Variants in DNAJB1 observed in about 807,000 individuals in gnomAD.
DNAJB1 encodes the protein dnaJ homolog subfamily B member 1.
In DNAJB1, 14 loss-of-function variants were observed where a neutral mutation model predicts 24.0. That is an observed-to-expected ratio of 0.58 (90% confidence interval 0.39 to 0.91). The LOEUF (loss-of-function observed/expected upper bound fraction) is 0.91, where lower values mean the gene tolerates loss of function less well. DNAJB1 is among the 40% of genes least tolerant of loss of function. The probability of loss-of-function intolerance (pLI) is 0.00; values close to 1 mark genes in which losing one functional copy is unlikely to be tolerated. For missense variants in DNAJB1, 517 were observed against 458.1 expected, an observed-to-expected ratio of 1.13 and a Z score of -1.17; for synonymous variants, 262 against 174.4, an observed-to-expected ratio of 1.50 and a Z score of -3.96.
At chr19:14,517,254 G>GTTT (rs1352940520) in intron 1 of DNAJB1, 1 of 571,938 alleles carries the variant, frequency 1.7e-6, no homozygotes, top group Non-Finnish European at 3.1e-6. Context: ...GCCTGACAGT[G>GTTT]GAAAAGGACT....
At chr19:14,529,644 C>G (rs772597119), upstream of DNAJB1, 1 of 1,613,554 alleles carries the variant, frequency 6.2e-7, no homozygotes, top group Non-Finnish European at 8.5e-7. Flanking sequence ...TGTGCTGTGC[C>G]GCGCAGTTAG....
intron 1 of DNAJB1, among the ~76,000 whole-genome samples, chr19:14,541,625 C>G (rs1337962174): frequency 6.6e-6 from 1 of 152,146 alleles, no homozygotes; most frequent in African/African-American, 2.4e-5. Context: ...AGGTCGAGGT[C>G]TTTGGGGCCA....
upstream of DNAJB1, chr19:14,531,259 A>G (rs1268611432): frequency 6.6e-6 from 1 of 150,666 alleles, no homozygotes; most frequent in African/African-American, 2.4e-5. Context: ...CTGGCCTCAA[A>G]CTCTTGACCT....
rs548676387 is a variant in DNAJB1, at chr19:14,518,055, G to A, written c.211+84C>T. 5.3e-6 allele frequency: 7 copies of A among 1,325,516 alleles called. No homozygotes were observed. In the Admixed American group the frequency reaches 1.6e-4, roughly 30 times the overall value. 82.1% of individuals were successfully genotyped at this position (1,325,516 alleles called of 1,614,324 possible). A position where few individuals can be genotyped will look rare whatever the true frequency, so the allele number is the denominator to read the frequency against. On this transcript the variant is annotated intron_variant, in intron 1 of 2. Transcript: ENST00000254322. Reference sequence around the variant, plus strand: ...CCCCACGGCCCGGGGCGTCCTTCCCGGGGGGCCGCCGAGAGGGGCCAGCGT... The same window carrying A: ...CCCCACGGCCCGGGGCGTCCTTCCCAGGGGGCCGCCGAGAGGGGCCAGCGT...
rs1437960728 is a variant in DNAJB1 at position 14,515,068 on chromosome 19, A to G, written c.*872T>C. 2.0e-5 allele frequency: 3 copies of G among 152,628 alleles called. No homozygotes were observed. The highest frequency in any genetic ancestry group is 7.2e-5 in the African/African-American group (3 of 41,458). 9.5% of individuals were successfully genotyped at this position (152,628 alleles called of 1,614,324 possible). A position where few individuals can be genotyped will look rare whatever the true frequency, so the allele number is the denominator to read the frequency against. ...ACAGTGCTCCTGTAATCAGAAGCAA[A>G]GACCCTTTTATCAAAAGGGATTGTA... is the stretch of plus-strand genomic sequence containing the variant. On this transcript the variant is annotated 3_prime_UTR_variant, in exon 3 of 3. Coordinates refer to ENST00000254322, the MANE Select transcript of DNAJB1 (RefSeq NM_006145.3).
exon 1 of DNAJB1, among the ~76,000 whole-genome samples, chr19:14,560,149 C>T (rs1369729008): frequency 2.0e-5 from 3 of 152,236 alleles, no homozygotes; most frequent in Non-Finnish European, 4.4e-5. Flanking sequence ...CCGGCGTCCT[C>T]TCCCAGCAGC....
intron 1 of DNAJB1, among the ~76,000 whole-genome samples, chr19:14,535,559 T>G (rs1187776734): frequency 9.6e-5 from 1 of 10,378 alleles, no homozygotes; most frequent in Non-Finnish European, 2.0e-4. Flanking sequence ...TATATATATA[T>G]ATATATATAT....
chr19:14,537,889 G>T (rs998586568), intron 1 of DNAJB1, among the ~76,000 whole-genome samples: 2 of 151,940 alleles, frequency 1.3e-5, no homozygotes, highest in African/African-American at 4.8e-5. Context: ...GGGATTACAG[G>T]TGCCCACCAC....
intron 1 of DNAJB1, among the ~76,000 whole-genome samples, chr19:14,555,659 T>C (rs2073695661): frequency 6.6e-6 from 1 of 152,068 alleles, no homozygotes; most frequent in Non-Finnish European, 1.5e-5. Context: ...CAGGCTGGTC[T>C]CGAACTCCTG....
At chr19:14,530,010 C>T (rs1400938409), upstream of DNAJB1, 3 of 527,682 alleles carry the variant, frequency 5.7e-6, no homozygotes, top group Non-Finnish European at 1.0e-5. Flanking sequence ...GAGTTGCAGA[C>T]TTTGTCATGG....
At chr19:14,516,332 G>C (rs1568379481) in intron 2 of DNAJB1, 134 bp downstream of exon 2, 16 of 1,263,474 alleles carry the variant, frequency 1.3e-5, no homozygotes, top group Non-Finnish European at 1.6e-5. Flanking sequence ...ACAGCGCCCT[G>C]GTCAGTCCTG....
At chr19:14,553,411 C>G (rs2146607770), upstream of DNAJB1, among the ~76,000 whole-genome samples, 1 of 152,196 alleles carries the variant, frequency 6.6e-6, no homozygotes. Flanking sequence ...TCCTCCCCAC[C>G]CTGGGTGACA....
At chr19:14,539,641 C>T (rs1422252595) in intron 1 of DNAJB1, among the ~76,000 whole-genome samples, 1 of 152,118 alleles carries the variant, frequency 6.6e-6, no homozygotes, top group Non-Finnish European at 1.5e-5. Flanking sequence ...ATGCTACTGT[C>T]TTTCACAGAT....
intron 1 of DNAJB1, among the ~76,000 whole-genome samples, chr19:14,536,937 T>C (rs1420877570): frequency 8.4e-6 from 1 of 119,454 alleles, no homozygotes; most frequent in African/African-American, 3.3e-5. Flanking sequence ...TCTGGACCTC[T>C]GGACACGGGG....
At chr19:14,522,663 CAA>C, upstream of DNAJB1, among the ~76,000 whole-genome samples, 1 of 135,526 alleles carries the variant, frequency 7.4e-6, no homozygotes, top group South Asian at 2.3e-4. Context: ...TCTCTGCACA[CAA>C]ACACAGACAC....
At chr19:14,518,411 C>A (rs1219881550), upstream of DNAJB1, 2 of 1,466,386 alleles carry the variant, frequency 1.4e-6, no homozygotes, top group African/African-American at 2.9e-5. Context: ...GCCGACCAGT[C>A]CCGGACTCTA....
chr19:14,534,472 G>A (rs1453874662), upstream of DNAJB1, among the ~76,000 whole-genome samples: 1 of 83,662 alleles, frequency 1.2e-5, no homozygotes, highest in Non-Finnish European at 2.2e-5. Flanking sequence ...GTCTCGCTCT[G>A]TCACCCAGGC....
rs369699868 is a variant in DNAJB1, at chr19:14,516,567, T to C, written c.691A>G (p.Ile231Val). The C allele has an allele frequency of 3.7e-6, 6 of 1,614,062 alleles. No individual in the cohort carries two copies. The highest frequency in any genetic ancestry group is 5.1e-6 in the Non-Finnish European group (6 of 1,180,028). ...AAAACAAAGACGATATCAGCTGGAATGTTGTTGGAGGTCTGGTCTCCTTCC... is the reference window on the plus strand; with the variant it reads ...AAAACAAAGACGATATCAGCTGGAACGTTGTTGGAGGTCTGGTCTCCTTCC... ...PKEGDQTSNN[I>V]PADIVFVLKD... The change falls in exon 2 of 3, where the codon ATT becomes GTT. Residue 231 changes from isoleucine (I) to valine (V), a missense_variant. Physicochemically the swap from Ile to Val is conservative, Grantham distance 29. Coordinates refer to ENST00000254322, the MANE Select transcript of DNAJB1 (RefSeq NM_006145.3).
At chr19:14,554,970 G>A (rs560989653), upstream of DNAJB1, among the ~76,000 whole-genome samples, 1 of 151,636 alleles carries the variant, frequency 6.6e-6, no homozygotes, top group Non-Finnish European at 1.5e-5. Context: ...GTAGAGATGG[G>A]GTTTCACCAT....
Sources: gnomAD v4.1 joint callset for allele counts (sites outside exome capture counted in the v4.1 genomes callset) on GRCh38, gnomAD v4.1.1 for gene constraint, MANE v1.5 for transcripts, NCBI Gene and HGNC (gene_info 2026-07-23, HGNC 2026-07-21) for gene names.